PALM2AKAP2: variants seen among roughly 807,000 people sequenced by gnomAD.
PALM2AKAP2 encodes the protein PALM2 and AKAP2 fusion, also known as PALM2-AKAP2 fusion protein.
Under a neutral mutation model 71.5 loss-of-function variants are expected in PALM2AKAP2, and 37 were observed. That is an observed-to-expected ratio of 0.52 (90% CI 0.40 to 0.68). The LOEUF is 0.68. PALM2AKAP2 is among the 30% of genes least tolerant of loss of function. The probability of loss-of-function intolerance (pLI) is 0.00; values close to 1 mark genes in which losing one functional copy is unlikely to be tolerated. For synonymous variants in PALM2AKAP2, 468 were observed against 478.8 expected (o/e 0.98, Z 0.29); for missense variants, 1,224 against 1,191.8 (o/e 1.03, Z -0.40).
exon 4 of PALM2AKAP2, chr9:110,170,665 AG>A (rs1361203250): frequency 6.6e-6 from 1 of 152,208 alleles, no homozygotes; most frequent in Non-Finnish European, 1.5e-5. Context: ...ACGCAAAACA[AG>A]TAAGATCCCT....
At chr9:109,957,536 C>T (rs77024000) in intron 6 of PALM2AKAP2, among the ~76,000 whole-genome samples, 1 of 152,288 alleles carries the variant, frequency 6.6e-6, no homozygotes, top group East Asian at 1.9e-4. Flanking sequence ...CTCAGCTTCA[C>T]TTTTCTCTTC....
At chr9:109,897,056 T>C (rs1416481876) in intron 3 of PALM2AKAP2, among the ~76,000 whole-genome samples, 2 of 152,170 alleles carry the variant, frequency 1.3e-5, no homozygotes, top group African/African-American at 4.8e-5. Flanking sequence ...CCATAAAGTT[T>C]AAATATTCAC....
intron 6 of PALM2AKAP2, among the ~76,000 whole-genome samples, chr9:109,952,320 G>C (rs1342992274): frequency 6.6e-6 from 1 of 152,214 alleles, no homozygotes; most frequent in Non-Finnish European, 1.5e-5. Flanking sequence ...AAAAATTATT[G>C]CATGAAAGAA....
intron 1 of PALM2AKAP2, among the ~76,000 whole-genome samples, chr9:109,688,290 GC>G (rs1827831422): frequency 6.6e-6 from 1 of 152,216 alleles, no homozygotes; most frequent in East Asian, 1.9e-4. Flanking sequence ...AATAAGGTAT[GC>G]CTGTGTTCTT....
exon 2 of PALM2AKAP2, chr9:110,136,307 G>A (rs1180002663): frequency 1.6e-5 from 26 of 1,614,142 alleles, no homozygotes; most frequent in Non-Finnish European, 2.2e-5. Flanking sequence ...ACATCCCATG[G>A]ACCATCCCTC....
At chr9:109,944,341 C>T (rs1292393979) in intron 6 of PALM2AKAP2, 7 of 152,082 alleles carry the variant, frequency 4.6e-5, no homozygotes, top group African/African-American at 1.4e-4. Flanking sequence ...AGGAGATCAT[C>T]TTGAGAAGTA....
intron 6 of PALM2AKAP2, among the ~76,000 whole-genome samples, chr9:110,010,189 G>T (rs1026650879): frequency 6.6e-6 from 1 of 152,040 alleles, no homozygotes; most frequent in Non-Finnish European, 1.5e-5. Context: ...TTCTCCTATC[G>T]CAGGGAAATG....
chr9:109,963,922 G>A (rs549899642), intron 6 of PALM2AKAP2, among the ~76,000 whole-genome samples: 1 of 152,290 alleles, frequency 6.6e-6, no homozygotes, highest in East Asian at 1.9e-4. Flanking sequence ...GGCCTCTAGA[G>A]GTGCAGGACA....
At chr9:110,008,203 G>T (rs1289484005) in intron 6 of PALM2AKAP2, among the ~76,000 whole-genome samples, 1 of 152,112 alleles carries the variant, frequency 6.6e-6, no homozygotes, top group African/African-American at 2.4e-5. Context: ...CTAGCCCTGG[G>T]GAAGAATGAG....
upstream of PALM2AKAP2, among the ~76,000 whole-genome samples, chr9:109,775,285 A>G (rs1411539808): frequency 6.6e-6 from 1 of 152,202 alleles, no homozygotes; most frequent in East Asian, 1.9e-4. Context: ...CAGATTTCCA[A>G]TTGCTCATTT....
At chr9:109,694,491 C>G (rs550470037) in intron 1 of PALM2AKAP2, among the ~76,000 whole-genome samples, 1 of 151,930 alleles carries the variant, frequency 6.6e-6, no homozygotes, top group African/African-American at 2.4e-5. Flanking sequence ...TAAAGAAAAT[C>G]TAGTGATACA....
rs867249253 is a variant in PALM2AKAP2, at chr9:109,934,847, G to A, written c.496+2819G>A. Among the ~76,000 whole-genome samples, 7 of 152,340 alleles carry A rather than the reference G, an allele frequency of 4.6e-5. 1 individual carries two copies. In the South Asian group the frequency reaches 1.5e-3, roughly 32 times the overall value. On this transcript the variant is annotated intron_variant, in intron 6 of 9. Coordinates refer to the PALM2AKAP2 transcript ENST00000302798. ...ATACTACTTCACCTGTTCATACATA[G>A]AAGGACCTACAGAATTCTTTTGTTT...
chr9:109,703,807 A>G (rs1828100779), intron 1 of PALM2AKAP2, among the ~76,000 whole-genome samples: 1 of 149,924 alleles, frequency 6.7e-6, no homozygotes, highest in African/African-American at 2.4e-5. Flanking sequence ...AAATTAACCT[A>G]CTTGAGAATA....
chr9:109,726,038 G>A (rs377705900), intron 1 of PALM2AKAP2, among the ~76,000 whole-genome samples: 1 of 152,174 alleles, frequency 6.6e-6, no homozygotes. Flanking sequence ...CCATCACCCA[G>A]GAGGACTAGT....
chr9:109,828,604 A>G (rs1386381842), intron 1 of PALM2AKAP2, among the ~76,000 whole-genome samples: 1 of 152,236 alleles, frequency 6.6e-6, no homozygotes, highest in African/African-American at 2.4e-5. Flanking sequence ...TGATAGTCAT[A>G]CAATAATTCT....
chr9:110,000,075 T>C (rs143774977), intron 6 of PALM2AKAP2, among the ~76,000 whole-genome samples: 2,777 of 152,026 alleles, frequency 0.018, 98 homozygotes, highest in African/African-American at 0.064. Context: ...GTTTGTTACA[T>C]ATATATACAT....
chr9:109,795,788 G>A (rs879419186), intron 1 of PALM2AKAP2, among the ~76,000 whole-genome samples: 9 of 152,200 alleles, frequency 5.9e-5, no homozygotes, highest in Non-Finnish European at 1.0e-4. Context: ...CCTGTGCCAG[G>A]GCACTGTTCA....
intron 6 of PALM2AKAP2, among the ~76,000 whole-genome samples, chr9:109,959,614 C>T (rs1831816557): frequency 6.9e-6 from 1 of 145,022 alleles, no homozygotes; most frequent in Non-Finnish European, 1.5e-5. Context: ...CACTGCACTC[C>T]AGCCTGGGTG....
chr9:109,706,422 T>A lies in PALM2AKAP2; in HGVS notation c.5+65556T>A, dbSNP rs186006200. On this transcript the variant is annotated intron_variant, in intron 1 of 6. Coordinates refer to the PALM2AKAP2 transcript ENST00000374531. ...AAATAATAACAAGTATTGGTAAGGA[T>A]GTAGAGAAACCCAAATACTCATACA... Among the ~76,000 whole-genome samples, 418 of 152,318 alleles carry A rather than the reference T, an allele frequency of 2.7e-3. 3 individuals are homozygous for A. Among genetic ancestry groups the A allele is most frequent in the African/African-American group, 9.5e-3 (396 of 41,562 alleles).
Sources: allele counts gnomAD v4.1 joint callset (sites outside exome capture counted in the v4.1 genomes callset), GRCh38; gene constraint gnomAD v4.1.1; transcripts MANE v1.5; gene names NCBI Gene and HGNC (gene_info 2026-07-23, HGNC 2026-07-21).